Variants in CHFR observed in about 807,000 individuals in gnomAD.
CHFR encodes checkpoint with forkhead and ring finger domains.
A neutral mutation model predicts 87.6 loss-of-function variants in CHFR; 57 were observed. The ratio of observed to expected loss-of-function variants is 0.65; its 90% CI spans 0.53 to 0.81. The LOEUF (loss-of-function observed/expected upper bound fraction) is 0.81. CHFR is among the 30% of genes least tolerant of loss of function. The probability of loss-of-function intolerance (pLI) is 0.00; values close to 1 mark genes in which losing one functional copy is unlikely to be tolerated. For missense variants in CHFR, 797 were observed against 865.8 expected, an observed-to-expected ratio of 0.92 and a Z score of 1.00; for synonymous variants, 381 against 359.2, an observed-to-expected ratio of 1.06 and a Z score of -0.69.
At chr12:132,862,505 G>A in intron 6 of CHFR, 1 of 409,376 alleles carries the variant, frequency 2.4e-6, no homozygotes, top group South Asian at 1.8e-5. Flanking sequence ...TCAGGAGGCT[G>A]AGGTGAGTGG....
intron 8 of CHFR, 97 bp downstream of exon 8, chr12:132,858,971 A>T: frequency 8.1e-7 from 1 of 1,230,890 alleles, no homozygotes; most frequent in South Asian, 1.5e-5. Context: ...CAGGCCAAAC[A>T]GGACCTGCAG....
rs1040564604 is a variant in CHFR, at chr12:132,873,582, T to C, written c.234-1188A>G. On this transcript the variant is annotated intron_variant, in intron 3 of 17. Transcript: ENST00000450056. ...TGGAGTGCACACGGACTTGGGTGCA[T>C]GCAGGGGCGCTGGAGCTGGACTGAC... Among the ~76,000 whole-genome samples the C allele has an allele frequency of 1.3e-5, 2 of 149,276 alleles. 1 individual carries two copies. The highest frequency in any genetic ancestry group is 3.0e-5 in the Non-Finnish European group (2 of 67,492).
chr12:132,847,287 G>T, intron 14 of CHFR, 157 bp from the exon 15 acceptor site: 1 of 1,386,180 alleles, frequency 7.2e-7, no homozygotes. Context: ...CACGTTCACG[G>T]CCTGCAGCAC....
intron 2 of CHFR, among the ~76,000 whole-genome samples, chr12:132,878,833 GA>G (rs546357534): frequency 1.7e-4 from 19 of 113,980 alleles, no homozygotes; most frequent in South Asian, 3.0e-4. Context: ...AAAAAAAAAA[GA>G]AAAAAAAAAA....
At chr12:132,842,074 A>C (rs1467586941) in intron 17 of CHFR, among the ~76,000 whole-genome samples, 1 of 80,008 alleles carries the variant, frequency 1.2e-5, no homozygotes, top group Non-Finnish European at 3.0e-5. Flanking sequence ...ACACCTCTAT[A>C]CTCCAGCCTG....
intron 6 of CHFR, chr12:132,861,944 G>A: frequency 2.9e-6 from 1 of 339,768 alleles, no homozygotes. Flanking sequence ...CATACCCGTG[G>A]TCATATGATA....
chr12:132,859,634 G>A (rs1012059768), intron 7 of CHFR, among the ~76,000 whole-genome samples: 3 of 152,202 alleles, frequency 2.0e-5, no homozygotes, highest in Admixed American at 6.5e-5. Context: ...ACAGGTGTGA[G>A]CTACCGCGCC....
chr12:132,886,050 AC>A (rs1436940621), intron 2 of CHFR, among the ~76,000 whole-genome samples: 1 of 152,170 alleles, frequency 6.6e-6, no homozygotes, highest in Non-Finnish European at 1.5e-5. Flanking sequence ...AGTGGTTCAC[AC>A]CTGTAATCCC....
intron 1 of CHFR, 75 bp downstream of exon 1, chr12:132,887,472 C>T (rs1951928640): frequency 7.2e-6 from 4 of 556,874 alleles, no homozygotes; most frequent in Non-Finnish European, 9.1e-6. Context: ...TGGACGCCGG[C>T]GGGCGCCCCC....
intron 8 of CHFR, 57 bp downstream of exon 8, chr12:132,859,011 C>A: frequency 6.5e-7 from 1 of 1,544,068 alleles, no homozygotes; most frequent in Non-Finnish European, 8.8e-7. Context: ...CTGCCCCACA[C>A]GGGACGAAGA....
At chr12:132,857,626 C>A in intron 8 of CHFR, 67 bp from the exon 9 acceptor site, 2 of 1,511,944 alleles carry the variant, frequency 1.3e-6, no homozygotes, top group East Asian at 4.7e-5. Context: ...CGACCAAGGT[C>A]CGCAGCAGCC....
At chr12:132,853,641 G>C in intron 10 of CHFR, 68 bp from the exon 11 acceptor site, 1 of 1,455,828 alleles carries the variant, frequency 6.9e-7, no homozygotes, top group Non-Finnish European at 9.0e-7. Flanking sequence ...GGTGCAACGC[G>C]GGTCCGCAGC....
In CHFR at chr12:132,832,543, T is replaced by G. The variant is rs1950624696; in HGVS notation, c.*9011A>C. 1 of 152,194 alleles carries G rather than the reference T, an allele frequency of 6.6e-6. No individual in the cohort carries two copies. The highest frequency in any genetic ancestry group is 1.5e-5 in the Non-Finnish European group (1 of 68,040). 9.4% of individuals were successfully genotyped at this position (152,194 alleles called of 1,614,324 possible). A position where few individuals can be genotyped will look rare whatever the true frequency, so the allele number is the denominator to read the frequency against. ...TACCCCAGTTACTGGGAGTTGATCA[T>G]TATACATTGTATGTCTGTATTAAAA... On this transcript the variant is annotated 3_prime_UTR_variant, in exon 18 of 18. Transcript: ENST00000450056.
chr12:132,868,275 G>C (rs1951396116), intron 6 of CHFR, among the ~76,000 whole-genome samples: 1 of 152,150 alleles, frequency 6.6e-6, no homozygotes, highest in Non-Finnish European at 1.5e-5. Context: ...CAGATCACGA[G>C]GTCAGGAGAT....
chr12:132,878,446 G>A (rs533823179), intron 2 of CHFR, among the ~76,000 whole-genome samples: 1 of 151,484 alleles, frequency 6.6e-6, no homozygotes, highest in Non-Finnish European at 1.5e-5. Context: ...TCCAGCCTTG[G>A]CGACAGAGCT....
In CHFR at chr12:132,848,661, C is replaced by T; in HGVS notation, c.1556G>A (p.Gly519Asp). 6.3e-7 allele frequency: 1 copy of T among 1,593,818 alleles called. No homozygotes were observed. The highest frequency in any genetic ancestry group is 8.5e-7 in the Non-Finnish European group (1 of 1,170,742). ...YWGCTRTGCY[G>D]CLAPFCELNL... Reference sequence around the variant, plus strand: ...ATTACCACAAAACGGGGCCAGGCAGCCGTAGCAGCCGGTCCGGGTGCAGCC... The same window carrying T: ...ATTACCACAAAACGGGGCCAGGCAGTCGTAGCAGCCGGTCCGGGTGCAGCC... Residue 519 changes from glycine (G) to aspartate (D), a missense_variant, in exon 13 of 18, where the codon GGC (glycine) becomes GAC (aspartate). Physicochemically the swap from Gly to Asp is moderately conservative, Grantham distance 94. Transcript: ENST00000450056.
chr12:132,878,269 G>T (rs550149258), intron 2 of CHFR, among the ~76,000 whole-genome samples: 1 of 152,244 alleles, frequency 6.6e-6, no homozygotes, highest in African/African-American at 2.4e-5. Flanking sequence ...AGGAGTTCGA[G>T]ACCAGCCTGG....
chr12:132,846,940 C>A, intron 15 of CHFR, 103 bp downstream of exon 15: 1 of 804,386 alleles, frequency 1.2e-6, no homozygotes. Context: ...TCCTCTCTTC[C>A]AGGGTGGGTG....
At chr12:132,850,423 G>T (rs1950914378) in intron 12 of CHFR, among the ~76,000 whole-genome samples, 1 of 152,056 alleles carries the variant, frequency 6.6e-6, no homozygotes, top group African/African-American at 2.4e-5. Flanking sequence ...GGGCCGAGCT[G>T]CCATCTGCTG....
Sources: allele counts gnomAD v4.1 joint callset (sites outside exome capture counted in the v4.1 genomes callset), GRCh38; gene constraint gnomAD v4.1.1; transcripts MANE v1.5; gene names NCBI Gene and HGNC (gene_info 2026-07-23, HGNC 2026-07-21).